ANK2: variants seen among roughly 807,000 people sequenced by gnomAD.
The protein encoded by ANK2 is ankyrin 2, also known as ankyrin-2.
A neutral mutation model predicts 360.5 loss-of-function variants in ANK2; 83 were observed. That is an observed-to-expected ratio of 0.23 (90% CI 0.19 to 0.28). The LOEUF is 0.28. ANK2 is among the 10% of genes least tolerant of loss of function. The pLI is 1.00. For missense variants in ANK2, 4,201 were observed against 4,795.7 expected, an observed-to-expected ratio of 0.88 and a Z score of 3.66; for synonymous variants, 1,740 against 1,759.5, an observed-to-expected ratio of 0.99 and a Z score of 0.28.
At chr4:113,044,068 G>A (rs1345042561) in intron 2 of ANK2, among the ~76,000 whole-genome samples, 3 of 152,058 alleles carry the variant, frequency 2.0e-5, no homozygotes, top group Non-Finnish European at 2.9e-5. Flanking sequence ...TGGGAGTATC[G>A]TTCACATAAC....
chr4:113,148,079 A>G (rs893451957), intron 1 of ANK2, among the ~76,000 whole-genome samples: 2 of 152,184 alleles, frequency 1.3e-5, no homozygotes, highest in Non-Finnish European at 2.9e-5. Context: ...TAGCTCTGAC[A>G]CAAGTCAGCA....
At chr4:112,910,245 C>T (rs902060874) in intron 2 of ANK2, among the ~76,000 whole-genome samples, 2 of 152,156 alleles carry the variant, frequency 1.3e-5, no homozygotes, top group Non-Finnish European at 2.9e-5. Flanking sequence ...TTTTGCTTTC[C>T]TCAGCTGGGG....
At chr4:112,874,556 C>T (rs1020259800) in intron 1 of ANK2, among the ~76,000 whole-genome samples, 3 of 147,220 alleles carry the variant, frequency 2.0e-5, no homozygotes, top group Non-Finnish European at 3.0e-5. Flanking sequence ...GCAGGAGAAT[C>T]GCTTGAATGT....
intron 1 of ANK2, among the ~76,000 whole-genome samples, chr4:113,052,677 C>T (rs546452663): frequency 2.5e-4 from 38 of 152,272 alleles, no homozygotes; most frequent in Non-Finnish European, 4.6e-4. Flanking sequence ...GGGAGCTTGT[C>T]GGTGCTCTCC....
intron 1 of ANK2, among the ~76,000 whole-genome samples, chr4:113,100,003 G>T (rs2092544761): frequency 6.6e-6 from 1 of 151,986 alleles, no homozygotes; most frequent in South Asian, 2.1e-4. Flanking sequence ...AATGTAAAAT[G>T]TAAAACGATG....
chr4:113,163,383 A>G (rs1351624627), intron 1 of ANK2, among the ~76,000 whole-genome samples: 1 of 152,092 alleles, frequency 6.6e-6, no homozygotes, highest in Non-Finnish European at 1.5e-5. Flanking sequence ...AATGGGGTGA[A>G]TGAATAAGTT....
At position 112,911,834 on chromosome 4, in the gene ANK2, ATC is replaced by A. The variant is rs1198067330; in HGVS notation, c.21+7322_21+7323del. 3.9e-5 allele frequency among the ~76,000 whole-genome samples: 6 copies of A among 152,352 alleles called. No homozygotes were observed. The East Asian group carries it at 9.6e-4, about 24-fold the overall frequency. ...TTTAAAGTGAGTTAGCTAAAAATAC[ATC>A]TGTTTAATTGATTATTGTGTTAATA... On this transcript the variant is annotated intron_variant, in intron 2 of 30. Coordinates refer to the ANK2 transcript ENST00000503271.
chr4:112,782,408 T>C, the ANK2 span, among the ~76,000 whole-genome samples: 1 of 152,216 alleles, frequency 6.6e-6, no homozygotes, highest in Non-Finnish European at 1.5e-5. Flanking sequence ...TCATAAAATA[T>C]TTTCCAACTA....
intron 1 of ANK2, among the ~76,000 whole-genome samples, chr4:113,154,147 T>C (rs2097192882): frequency 6.6e-6 from 1 of 152,250 alleles, no homozygotes. Context: ...TGGGCCCTTC[T>C]GCATTTCATA....
chr4:112,939,231 CATATT>C (rs2094001675), intron 2 of ANK2, among the ~76,000 whole-genome samples: 1 of 152,124 alleles, frequency 6.6e-6, no homozygotes, highest in Non-Finnish European at 1.5e-5. Flanking sequence ...AGCTAATAGA[CATATT>C]AGTGAAGTCA....
At chr4:113,365,224 TG>T (rs2096469385) in intron 41 of ANK2, 42 bp downstream of exon 41, 5 of 1,597,916 alleles carry the variant, frequency 3.1e-6, no homozygotes, top group South Asian at 1.1e-5. Flanking sequence ...TGTGTGTGTG[TG>T]TGTGTGTTGT....
the ANK2 span, among the ~76,000 whole-genome samples, chr4:112,791,773 G>A: frequency 1.3e-5 from 2 of 151,934 alleles, no homozygotes; most frequent in Admixed American, 6.6e-5. Flanking sequence ...TTACAGGCGT[G>A]AGCCACCGCG....
chr4:113,113,187 T>C (rs2094465708), intron 1 of ANK2, among the ~76,000 whole-genome samples: 1 of 116,516 alleles, frequency 8.6e-6, no homozygotes, highest in Non-Finnish European at 1.9e-5. Flanking sequence ...GCACATTCTT[T>C]TTTTTTTTTC....
chr4:113,091,908 G>C (rs756981372), intron 1 of ANK2, among the ~76,000 whole-genome samples: 1 of 152,120 alleles, frequency 6.6e-6, no homozygotes, highest in Non-Finnish European at 1.5e-5. Context: ...CTTTTTTTCA[G>C]ACATTGTAAG....
the ANK2 span, among the ~76,000 whole-genome samples, chr4:112,789,112 A>G: frequency 6.6e-6 from 1 of 152,156 alleles, no homozygotes; most frequent in Non-Finnish European, 1.5e-5. Context: ...TTGCAAGAAA[A>G]TAATACTCTC....
chr4:112,908,223 G>A (rs569661074), intron 2 of ANK2, among the ~76,000 whole-genome samples: 10 of 152,138 alleles, frequency 6.6e-5, no homozygotes, highest in Non-Finnish European at 1.3e-4. Context: ...AAAGAGGGCC[G>A]TTTAACTTGA....
chr4:112,786,746 CTTTT>C, the ANK2 span, among the ~76,000 whole-genome samples: 1 of 108,908 alleles, frequency 9.2e-6, no homozygotes. Flanking sequence ...TAAAATCAAA[CTTTT>C]TTTTTTTTTT....
At chr4:113,203,730 C>T (rs570339937) in intron 4 of ANK2, among the ~76,000 whole-genome samples, 1 of 152,232 alleles carries the variant, frequency 6.6e-6, no homozygotes, top group East Asian at 1.9e-4. Context: ...TATTCCTTTA[C>T]TTTATCATTA....
At chr4:112,706,130 C>T in the ANK2 span, among the ~76,000 whole-genome samples, 1 of 151,548 alleles carries the variant, frequency 6.6e-6, no homozygotes, top group African/African-American at 2.4e-5. Context: ...AGGAAGAAAC[C>T]CGGAGCCGCA....
Sources: gnomAD v4.1 joint callset for allele counts (sites outside exome capture counted in the v4.1 genomes callset) on GRCh38, gnomAD v4.1.1 for gene constraint, MANE v1.5 for transcripts, NCBI Gene and HGNC (gene_info 2026-07-23, HGNC 2026-07-21) for gene names.